SLC25A14: variants seen among roughly 807,000 people sequenced by gnomAD.
The protein encoded by SLC25A14 is solute carrier family 25 member 14, also known as brain mitochondrial carrier protein 1.
Under a neutral mutation model 28.1 loss-of-function variants are expected in SLC25A14, and 8 were observed. The ratio of observed to expected loss-of-function variants is 0.28; its 90% CI spans 0.17 to 0.51. The LOEUF is 0.51. Ranked by LOEUF, SLC25A14 falls within the 20% of genes least tolerant of loss-of-function variation. The pLI is 0.97. For synonymous variants in SLC25A14, 74 were observed against 90.6 expected, an observed-to-expected ratio of 0.82 and a Z score of 1.04; for missense variants, 135 against 263.8, an observed-to-expected ratio of 0.51 and a Z score of 3.38.
At chrX:130,354,179 T>G (rs916122698) in intron 6 of SLC25A14, among the ~76,000 whole-genome samples, 1 of 108,186 alleles carries the variant, frequency 9.2e-6, no homozygotes, top group Non-Finnish European at 1.9e-5. Context: ...AGTGGCGCGA[T>G]CTCGGCTCAC....
At chrX:130,364,537 G>T in intron 7 of SLC25A14, 91 bp from the exon 8 acceptor site, 1 of 612,984 alleles carries the variant, frequency 1.6e-6, no homozygotes. Context: ...GTATTTTTCT[G>T]TTACTTTTCA....
chrX:130,349,148 C>T, intron 4 of SLC25A14, 103 bp from the exon 5 acceptor site: 3 of 357,011 alleles, frequency 8.4e-6, no homozygotes, highest in South Asian at 5.9e-5. Context: ...TCATATTCTG[C>T]TGTTGTTGGG....
chrX:130,355,973 G>A (rs182189397), intron 6 of SLC25A14, among the ~76,000 whole-genome samples: 1 of 111,347 alleles, frequency 9.0e-6, no homozygotes, highest in East Asian at 2.8e-4. Context: ...GTCATACCGA[G>A]TCATGTGAGG....
chrX:130,357,963 G>T (rs1421902820), intron 6 of SLC25A14, among the ~76,000 whole-genome samples: 6 of 111,915 alleles, frequency 5.4e-5, no homozygotes, highest in African/African-American at 1.9e-4. Context: ...CGTAAGCAAT[G>T]CATGTTTAAT....
At chrX:130,352,869 T>G (rs2033660363) in intron 6 of SLC25A14, among the ~76,000 whole-genome samples, 2 of 112,608 alleles carry the variant, frequency 1.8e-5, no homozygotes, top group African/African-American at 3.2e-5. Context: ...GGTTGTTTCT[T>G]TACTCTGTTG....
chrX:130,363,910 T>A lies in SLC25A14; in HGVS notation c.595-718T>A, dbSNP rs189003228. Among the ~76,000 whole-genome samples the A allele has an allele frequency of 1.2e-3, 137 of 110,751 alleles. 4 individuals carry two copies. In the East Asian group the frequency reaches 0.023, roughly 18 times the overall value. On this transcript the variant is annotated intron_variant, in intron 7 of 10. Transcript: ENST00000545805. Reference sequence around the variant, plus strand: ...CACCATGCCTGGCTAATTTAAAAAATTTTTTTAAGAGATAGAGTCTTACTG... The same window carrying A: ...CACCATGCCTGGCTAATTTAAAAAAATTTTTTAAGAGATAGAGTCTTACTG...
Position 130,350,745 on chromosome X carries a change from AGT to A in SLC25A14, c.498+18_498+19del. On this transcript the variant is annotated intron_variant, in intron 6 of 10. Transcript: ENST00000545805. ...GATGTTCTAAAGGTAAGAGAGATAC[AGT>A]GTGATTTGAAAGGAGCATAACTTTG... is the stretch of plus-strand genomic sequence containing the variant. 2 of 1,048,739 alleles carry A rather than the reference AGT, an allele frequency of 1.9e-6. No homozygotes were observed. Among genetic ancestry groups the A allele is most frequent in the Non-Finnish European group, 2.6e-6 (2 of 761,949 alleles). The allele number at this position is 1,048,739 out of a possible 1,213,427, so 86.4% of individuals were successfully genotyped here.
intron 5 of SLC25A14, 102 bp from the exon 6 acceptor site, chrX:130,350,544 C>G: frequency 8.2e-6 from 3 of 363,908 alleles, no homozygotes; most frequent in Non-Finnish European, 1.4e-5. Flanking sequence ...TTTCTAAAGT[C>G]ATCTCTCTAA....
chrX:130,362,980 ATGATTTTAT>A (rs2034015451), intron 7 of SLC25A14, among the ~76,000 whole-genome samples: 1 of 112,671 alleles, frequency 8.9e-6, no homozygotes, highest in Admixed American at 9.4e-5. Context: ...TTTTTGCTTC[ATGATTTTAT>A]TTATAACAGC....
At chrX:130,365,148 A>T in intron 8 of SLC25A14, 1 of 812,269 alleles carries the variant, frequency 1.2e-6, no homozygotes, top group Non-Finnish European at 1.5e-6. Context: ...TTTTTGGCTA[A>T]AGACTGTTAC....
intron 9 of SLC25A14, among the ~76,000 whole-genome samples, chrX:130,367,678 G>A (rs990100995): frequency 1.1e-4 from 12 of 112,090 alleles, no homozygotes; most frequent in Non-Finnish European, 1.5e-4. Flanking sequence ...ATTGCCTGGG[G>A]CAGCAATTCT....
intron 6 of SLC25A14, among the ~76,000 whole-genome samples, chrX:130,353,392 C>G (rs1159550208): frequency 9.0e-6 from 1 of 111,416 alleles, no homozygotes; most frequent in African/African-American, 3.3e-5. Context: ...CAGACCAGAC[C>G]AGTATTACCT....
intron 2 of SLC25A14, among the ~76,000 whole-genome samples, chrX:130,343,340 G>A (rs1036675428): frequency 2.0e-4 from 22 of 112,055 alleles, no homozygotes; most frequent in African/African-American, 7.1e-4. Context: ...ATTGGAAAAT[G>A]TGGGCATAGC....
Position 130,365,784 on chromosome X carries a change from C to T in SLC25A14, c.855+108C>T, listed in dbSNP as rs112807192. On this transcript the variant is annotated intron_variant, in intron 9 of 10. Transcript: ENST00000545805. ...CATACCATTTTGAAGATGAAAGAATCATATTTTTTTAGTAGCTTCTCAGTT... is the reference window on the plus strand; with the variant it reads ...CATACCATTTTGAAGATGAAAGAATTATATTTTTTTAGTAGCTTCTCAGTT... 9.3e-3 allele frequency: 5,436 copies of T among 585,404 alleles called. 165 individuals are homozygous for T. The African/African-American group carries it at 0.1, about 11-fold the overall frequency. The allele number at this position is 585,404 out of a possible 1,213,427, so 48.2% of individuals were successfully genotyped here. A position where few individuals can be genotyped will look rare whatever the true frequency, so the allele number is the denominator to read the frequency against.
At chrX:130,370,982 T>G (rs2034249488) in intron 9 of SLC25A14, among the ~76,000 whole-genome samples, 1 of 111,734 alleles carries the variant, frequency 8.9e-6, no homozygotes, top group Non-Finnish European at 1.9e-5. Context: ...CAACTAGGGT[T>G]GCTGCCATCT....
At chrX:130,355,822 G>C (rs953796378) in intron 6 of SLC25A14, among the ~76,000 whole-genome samples, 5 of 111,346 alleles carry the variant, frequency 4.5e-5, no homozygotes, top group Admixed American at 9.5e-5. Flanking sequence ...TTTGCTTTTT[G>C]CCATTAACTT....
Position 130,358,984 on chromosome X carries a change from T to G in SLC25A14, c.594+249T>G, listed in dbSNP as rs372697972. On this transcript the variant is annotated intron_variant, in intron 7 of 10. Coordinates refer to ENST00000545805, the MANE Select transcript of SLC25A14 (RefSeq NM_001282195.2). The stretch of plus-strand genomic sequence containing the variant: ...CTGTTTCGATCATATTCACAGTGAA[T>G]GTAGTTGTTCAGTGTATTTTTTTGC... The G allele has an allele frequency of 1.1e-4, 105 of 998,838 alleles. No individual in the cohort carries two copies. The highest frequency in any genetic ancestry group is 1.0e-3 in the East Asian group (23 of 22,912). The allele number at this position is 998,838 out of a possible 1,213,427, so 82.3% of individuals were successfully genotyped here.
At position 130,347,559 on chromosome X, in the gene SLC25A14, G is replaced by T. The variant is rs778400979; in HGVS notation, c.317+868G>T. 1.3e-4 allele frequency among the ~76,000 whole-genome samples: 14 copies of T among 111,903 alleles called. No homozygotes were observed. The East Asian group carries it at 3.6e-3, about 29-fold the overall frequency. On this transcript the variant is annotated intron_variant, in intron 4 of 10. Coordinates refer to ENST00000545805, the MANE Select transcript of SLC25A14 (RefSeq NM_001282195.2). Reference sequence around the variant, plus strand: ...GCAATTTGGAAGAATCCCAAAGGAGGTATGAATGAGAATGTCTCCAGTTTA... The same window carrying T: ...GCAATTTGGAAGAATCCCAAAGGAGTTATGAATGAGAATGTCTCCAGTTTA...
intron 6 of SLC25A14, among the ~76,000 whole-genome samples, chrX:130,354,563 G>A (rs1014382827): frequency 1.8e-5 from 2 of 111,938 alleles, no homozygotes; most frequent in Non-Finnish European, 3.8e-5. Context: ...GTTAATGCTG[G>A]TAAGGCAGAA....
Sources: gnomAD v4.1 joint callset for allele counts (sites outside exome capture counted in the v4.1 genomes callset) on GRCh38, gnomAD v4.1.1 for gene constraint, MANE v1.5 for transcripts, NCBI Gene and HGNC (gene_info 2026-07-23, HGNC 2026-07-21) for gene names.